The following CCN6 variants were observed in gnomAD, a reference collection of about 807,000 sequenced individuals.
CCN6 encodes the protein cellular communication network factor 6.
In CCN6, 31 loss-of-function variants were observed where a neutral mutation model predicts 37.4. That is an observed-to-expected ratio of 0.83 (90% CI 0.62 to 1.12). CCN6 has a LOEUF of 1.12. Ranked by LOEUF, CCN6 falls within the 50% of genes most tolerant of loss-of-function variation. The pLI, the probability that CCN6 is intolerant of heterozygous loss-of-function variation, is 0.00. For synonymous variants in CCN6, 137 were observed against 142.1 expected, an observed-to-expected ratio of 0.96 and a Z score of 0.26; for missense variants, 369 against 413.8, an observed-to-expected ratio of 0.89 and a Z score of 0.94.
rs1554312743 is a variant in CCN6 at position 112,061,104 on chromosome 6, C to T, written c.162C>T (p.Cys54=). 1.2e-6 allele frequency: 2 copies of T among 1,614,130 alleles called. No homozygotes were observed. Among genetic ancestry groups the T allele is most frequent in the South Asian group, 1.1e-5 (1 of 91,078 alleles). The part of the protein sequence containing the change: ...RKQFCHWPCK[C]PQQKPRCPPG... ...AGTTTTGTCACTGGCCCTGCAAATG[C>T]CCTCAGCAGAAGCCCCGTTGCCCTC... The change falls in exon 2 of 5, where the codon TGC becomes TGT. Residue 54 remains cysteine (C), a synonymous_variant. Transcript: ENST00000368666.
upstream of CCN6, among the ~76,000 whole-genome samples, chr6:112,053,246 G>C (rs1554311035): frequency 6.6e-6 from 1 of 152,090 alleles, no homozygotes; most frequent in East Asian, 1.9e-4. Context: ...CACCTTTCAG[G>C]GAGGTGAGTA....
chr6:112,062,845 G>A (rs1384424204), intron 2 of CCN6, among the ~76,000 whole-genome samples: 4 of 152,036 alleles, frequency 2.6e-5, no homozygotes, highest in Admixed American at 6.6e-5. Context: ...TTTGATCTGC[G>A]GACCCCTTTA....
In CCN6 at chr6:112,064,805, C is replaced by G. The variant is rs782570326; in HGVS notation, c.397C>G (p.Gln133Glu). The G allele has an allele frequency of 3.4e-5, 55 of 1,613,912 alleles. No homozygotes were observed. Among genetic ancestry groups the G allele is most frequent in the Non-Finnish European group, 4.2e-5 (50 of 1,179,958 alleles). ...EFNQVHYHNG[Q>E]VFQPNPLFSC... is the part of the protein sequence containing the mutation. ...CAACCAGGTACATTATCATAATGGC[C>G]AAGTGTTTCAGCCCAACCCCTTGTT... Residue 133 changes from glutamine to glutamate, a missense_variant, in exon 3 of 5, where the codon CAA (glutamine) becomes GAA (glutamate). Physicochemically the swap from Gln to Glu is conservative, Grantham distance 29 (BLOSUM62 2). Transcript: ENST00000368666.
At chr6:112,065,023 A>G in intron 3 of CCN6, 26 bp downstream of exon 3, 1 of 1,613,660 alleles carries the variant, frequency 6.2e-7, no homozygotes, top group South Asian at 1.1e-5. Context: ...GCTATTTTTC[A>G]CGTATGACCT....
chr6:112,064,939 A>G lies in CCN6; in HGVS notation c.531A>G (p.Ser177=). 1 of 1,614,074 alleles carries G rather than the reference A, an allele frequency of 6.2e-7. No homozygotes were observed. ...AAGGTGGAAAGAAGTCTGATCAGTC[A>G]AACTGTAGCCTGGAACCATTACTAC... ...GAKGGKKSDQ[S]NCSLEPLLQQ... is the part of the protein sequence containing the mutation. Residue 177 remains serine (S), a synonymous_variant, in exon 3 of 5, where the codon TCA becomes TCG. Transcript: ENST00000368666.
chr6:112,068,492 C>A, intron 4 of CCN6, 94 bp downstream of exon 4: 4 of 1,155,916 alleles, frequency 3.5e-6, no homozygotes, highest in Non-Finnish European at 4.9e-6. Flanking sequence ...GTGTTTAGTT[C>A]TTAGAAAAAT....
Position 112,065,937 on chromosome 6 carries a change from T to C in CCN6, c.589+940T>C, listed in dbSNP as rs188538138. On this transcript the variant is annotated intron_variant, in intron 3 of 4. Transcript: ENST00000368666. ...GGTTCTTGTTCACATCTCTGTGTTC[T>C]CATCCAGAAATCAAGAATGCCTTTT... Among the ~76,000 whole-genome samples the C allele has an allele frequency of 2.6e-5, 4 of 152,342 alleles. No homozygotes were observed. In the East Asian group the frequency reaches 7.7e-4, roughly 29 times the overall value.
At chr6:112,058,432 C>A (rs1776412300) in intron 1 of CCN6, among the ~76,000 whole-genome samples, 1 of 152,162 alleles carries the variant, frequency 6.6e-6, no homozygotes, top group Admixed American at 6.5e-5. Context: ...TTTACATAAG[C>A]AAATTGCCAG....
chr6:112,068,073 C>T lies in CCN6; in HGVS notation c.590-132C>T, dbSNP rs587606933. On this transcript the variant is annotated intron_variant, in intron 3 of 4. Coordinates refer to ENST00000368666, the MANE Select transcript of CCN6 (RefSeq NM_198239.2). ...GAGATAGAGTGATAAATTAGACCAT[C>T]GGCTTCTTTTATTCTGAGTTATATT... 1.0e-4 allele frequency: 76 copies of T among 746,634 alleles called. No individual in the cohort carries two copies. In the South Asian group the frequency reaches 1.0e-3, roughly 10 times the overall value. 46.3% of individuals were successfully genotyped at this position (746,634 alleles called of 1,614,324 possible).
At chr6:112,069,245 A>T in intron 4 of CCN6, 94 bp from the exon 5 acceptor site, 1 of 1,422,910 alleles carries the variant, frequency 7.0e-7, no homozygotes. Context: ...TAATGCCTCC[A>T]AATACTCAGA....
chr6:112,058,976 T>C (rs1279312271), intron 1 of CCN6, among the ~76,000 whole-genome samples: 5 of 152,206 alleles, frequency 3.3e-5, no homozygotes, highest in African/African-American at 1.2e-4. Context: ...TCAAAGTGCA[T>C]ATGTACCATA....
At chr6:112,066,791 G>A (rs1335566938) in intron 3 of CCN6, among the ~76,000 whole-genome samples, 1 of 149,764 alleles carries the variant, frequency 6.7e-6, no homozygotes. Context: ...ATGCCCTCAT[G>A]CTTTTTTCAA....
At chr6:112,060,126 G>A in intron 1 of CCN6, 1 of 1,345,754 alleles carries the variant, frequency 7.4e-7, no homozygotes, top group Non-Finnish European at 9.9e-7. Context: ...TATGGGGAGG[G>A]GGGACCACAG....
chr6:112,062,647 G>C (rs1337303270), intron 2 of CCN6, among the ~76,000 whole-genome samples: 1 of 152,224 alleles, frequency 6.6e-6, no homozygotes, highest in Non-Finnish European at 1.5e-5. Context: ...CTAGCCAACA[G>C]CCTGTTTTTG....
chr6:112,069,479 T>A lies in CCN6; in HGVS notation c.924T>A (p.Asn308Lys), dbSNP rs782543037. 4 of 1,613,752 alleles carry A rather than the reference T, an allele frequency of 2.5e-6. No homozygotes were observed. The highest frequency in any genetic ancestry group is 2.2e-5 in the South Asian group (2 of 91,074). The change falls in exon 5 of 5, where the codon AAT becomes AAA. Residue 308 changes from asparagine to lysine, a missense_variant. Asn to Lys is a moderately conservative substitution (Grantham distance 94). Transcript: ENST00000368666. ...ICLDKRCCIP[N>K]KSKMITIQFD... The stretch of plus-strand genomic sequence containing the variant: ...TGGATAAGAGATGCTGTATCCCTAA[T>A]AAGTCTAAAATGATTACTATTCAAT...
chr6:112,056,130 A>G (rs587648880), intron 1 of CCN6, among the ~76,000 whole-genome samples: 2 of 152,310 alleles, frequency 1.3e-5, no homozygotes, highest in South Asian at 2.1e-4. Context: ...AGTGAAAAAT[A>G]TAAGATTCTT....
At chr6:112,056,577 C>T (rs781830104) in intron 1 of CCN6, among the ~76,000 whole-genome samples, 4 of 151,974 alleles carry the variant, frequency 2.6e-5, no homozygotes, top group African/African-American at 7.3e-5. Context: ...AGTGCAGTGG[C>T]GTGTCTTGGC....
chr6:112,067,211 A>G (rs1776724962), intron 3 of CCN6, among the ~76,000 whole-genome samples: 1 of 151,226 alleles, frequency 6.6e-6, no homozygotes, highest in Non-Finnish European at 1.5e-5. Flanking sequence ...TTTTAAGTTG[A>G]TTTTTTTGAA....
chr6:112,060,589 G>A (rs1776483462), intron 1 of CCN6, among the ~76,000 whole-genome samples: 1 of 152,186 alleles, frequency 6.6e-6, no homozygotes, highest in African/African-American at 2.4e-5. Context: ...AAACATCAAA[G>A]TGGAGATGTT....
Sources: gnomAD v4.1 joint callset for allele counts (sites outside exome capture counted in the v4.1 genomes callset) on GRCh38, gnomAD v4.1.1 for gene constraint, MANE v1.5 for transcripts, NCBI Gene and HGNC (gene_info 2026-07-23, HGNC 2026-07-21) for gene names.